Variants in KIAA1549L observed in about 807,000 individuals in gnomAD.
KIAA1549L encodes UPF0606 protein KIAA1549L.
In KIAA1549L, 88 loss-of-function variants were observed where a neutral mutation model predicts 160.7. The observed-to-expected ratio is 0.55, with a 90% CI of 0.46 to 0.65. KIAA1549L has a LOEUF of 0.65. Among genes scored for constraint, KIAA1549L ranks in the 30% least tolerant of loss-of-function variants. The pLI is 0.00. For synonymous variants in KIAA1549L, 950 were observed against 976.7 expected, an observed-to-expected ratio of 0.97 and a Z score of 0.51; for missense variants, 2,258 against 2,437.5, an observed-to-expected ratio of 0.93 and a Z score of 1.55.
chr11:33,572,517 T>C (rs762654324), intron 9 of KIAA1549L, among the ~76,000 whole-genome samples: 7 of 152,236 alleles, frequency 4.6e-5, no homozygotes, highest in Non-Finnish European at 1.0e-4. Context: ...CATAGATTGA[T>C]TTTGACATTC....
intron 1 of KIAA1549L, among the ~76,000 whole-genome samples, chr11:33,446,025 G>A (rs1232415719): frequency 6.6e-6 from 1 of 151,750 alleles, no homozygotes; most frequent in Non-Finnish European, 1.5e-5. Context: ...GTACATTTTT[G>A]AAGCTCTTGC....
intron 1 of KIAA1549L, among the ~76,000 whole-genome samples, chr11:33,394,488 A>G (rs1391636235): frequency 6.6e-6 from 1 of 152,342 alleles, no homozygotes; most frequent in African/African-American, 2.4e-5. Flanking sequence ...GAGCTTTTCC[A>G]TAAAGAAAAG....
intron 8 of KIAA1549L, among the ~76,000 whole-genome samples, chr11:33,561,957 A>G (rs894271662): frequency 6.6e-6 from 1 of 152,244 alleles, no homozygotes; most frequent in Admixed American, 6.5e-5. Context: ...ACAGCTTTCA[A>G]GTCCTCTTTT....
Position 33,530,432 on chromosome 11 carries a change from AAAAAATATATATATATATATATATATAT to A in KIAA1549L, c.239-11368_239-11341del, listed in dbSNP as rs1348045355. Among the ~76,000 whole-genome samples, 10 of 10,292 alleles carry A rather than the reference AAAAAATATATATATATATATATATATAT, an allele frequency of 9.7e-4. 1 individual carries two copies. The highest frequency in any genetic ancestry group is 3.6e-3 in the African/African-American group (9 of 2,508). The allele number at this position is 10,292 out of a possible 152,430, so 6.8% of individuals were successfully genotyped here. On this transcript the variant is annotated intron_variant, in intron 1 of 20. Coordinates refer to ENST00000658780, the MANE Select transcript of KIAA1549L (RefSeq NM_012194.3). ...GAAGAAGGAAAAAAAAAAAAAAAAA[AAAAAATATATATATATATATATATATAT>A]ATATATATATATATATATATATATG...
At chr11:33,530,485 G>T (rs1590315283) in intron 1 of KIAA1549L, among the ~76,000 whole-genome samples, 3 of 96,526 alleles carry the variant, frequency 3.1e-5, no homozygotes, top group South Asian at 3.9e-4. Context: ...ATATATATAT[G>T]CAAGATTTGC....
At position 33,673,162 on chromosome 11, in the gene KIAA1549L, T is replaced by G. The variant is rs564722512; in HGVS notation, c.*5008T>G. The G allele has an allele frequency of 1.3e-5, 2 of 152,106 alleles. No individual in the cohort carries two copies. The highest frequency in any genetic ancestry group is 2.9e-5 in the Non-Finnish European group (2 of 68,032). The allele number at this position is 152,106 out of a possible 1,614,324, so 9.4% of individuals were successfully genotyped here. A position where few individuals can be genotyped will look rare whatever the true frequency, so the allele number is the denominator to read the frequency against. ...CACACACACATTACTTTAGAAGATA[T>G]GCAGTTGCTCTGATTCTGCAGGTTT... On this transcript the variant is annotated 3_prime_UTR_variant, in exon 21 of 21. Coordinates refer to ENST00000658780, the MANE Select transcript of KIAA1549L (RefSeq NM_012194.3).
At chr11:33,614,146 C>T (rs745621676) in intron 15 of KIAA1549L, among the ~76,000 whole-genome samples, 2 of 152,088 alleles carry the variant, frequency 1.3e-5, no homozygotes, top group African/African-American at 2.4e-5. Flanking sequence ...GAACTGGAAG[C>T]GTAAGTTACA....
chr11:33,570,255 G>A (rs1855205417), intron 9 of KIAA1549L, among the ~76,000 whole-genome samples: 1 of 152,144 alleles, frequency 6.6e-6, no homozygotes, highest in Non-Finnish European at 1.5e-5. Flanking sequence ...ACCCACCTCA[G>A]CCTCCCAAAG....
At chr11:33,508,962 C>T (rs184169053) in intron 1 of KIAA1549L, among the ~76,000 whole-genome samples, 18 of 152,250 alleles carry the variant, frequency 1.2e-4, no homozygotes, top group Admixed American at 7.2e-4. Context: ...TTGGTTCTGT[C>T]GTCTCTTTGG....
intron 8 of KIAA1549L, 24 bp from the exon 9 acceptor site, chr11:33,568,052 C>G: frequency 1.9e-6 from 3 of 1,582,628 alleles, no homozygotes; most frequent in Non-Finnish European, 2.6e-6. Flanking sequence ...TTCTGAGCCT[C>G]TGCTCTGCCT....
At position 33,544,808 on chromosome 11, in the gene KIAA1549L, G is replaced by C; in HGVS notation, c.2815G>C (p.Ala939Pro). ...TAAGGTACAGCCAACAGCAGCAGCT[G>C]CCGTCACATTGTTTCTGAGGAAATC... ...SSKVQPTAAA[A>P]VTLFLRKSSP... Residue 939 changes from alanine (A) to proline (P), a missense_variant, in exon 3 of 21, where the codon GCC becomes CCC. By Grantham distance (27) the Ala-to-Pro change is conservative. This residue lies in a region of KIAA1549L where 41 missense variants were observed against 79.8 expected (regional missense o/e 0.51). Coordinates refer to ENST00000658780, the MANE Select transcript of KIAA1549L (RefSeq NM_012194.3). 6.2e-7 allele frequency: 1 copy of C among 1,608,768 alleles called. No homozygotes were observed. The highest frequency in any genetic ancestry group is 8.5e-7 in the Non-Finnish European group (1 of 1,175,884).
rs761090475 is a variant in KIAA1549L at position 33,552,188 on chromosome 11, T to A, written c.3802T>A (p.Phe1268Ile). The A allele has an allele frequency of 6.2e-7, 1 of 1,611,068 alleles. No homozygotes were observed. Among genetic ancestry groups the A allele is most frequent in the African/African-American group, 1.3e-5 (1 of 74,902 alleles). ...QTMEQRLQKA[F>I]QDAERKVLNT... Reference sequence around the variant, plus strand: ...AATGGAACAGAGGCTGCAGAAGGCATTCCAGGATGCCGAGAGGAAAGTCCT... The same window carrying A: ...AATGGAACAGAGGCTGCAGAAGGCAATCCAGGATGCCGAGAGGAAAGTCCT... Residue 1268 changes from phenylalanine to isoleucine, a missense_variant, in exon 6 of 21, where the codon TTC (phenylalanine) becomes ATC (isoleucine). Transcript: ENST00000658780.
chr11:33,457,111 C>T (rs1453775317), intron 1 of KIAA1549L, among the ~76,000 whole-genome samples: 1 of 152,114 alleles, frequency 6.6e-6, no homozygotes, highest in East Asian at 1.9e-4. Context: ...TTGAGGGTTT[C>T]CTGAGGTCCC....
At chr11:33,620,400 G>A (rs1014687820) in intron 16 of KIAA1549L, among the ~76,000 whole-genome samples, 4 of 152,162 alleles carry the variant, frequency 2.6e-5, no homozygotes, top group African/African-American at 9.7e-5. Flanking sequence ...TGATCATCTA[G>A]GGAATGGCTT....
intron 1 of KIAA1549L, among the ~76,000 whole-genome samples, chr11:33,537,649 G>T (rs1241882259): frequency 6.6e-6 from 1 of 152,150 alleles, no homozygotes; most frequent in African/African-American, 2.4e-5. Flanking sequence ...ACTGTCCCTA[G>T]TTCTGTCCCT....
intron 9 of KIAA1549L, among the ~76,000 whole-genome samples, chr11:33,568,967 T>A (rs1855150246): frequency 6.6e-6 from 1 of 152,222 alleles, no homozygotes; most frequent in Non-Finnish European, 1.5e-5. Context: ...ATGTTTTAGA[T>A]CATTTTCAGA....
chr11:33,501,969 T>C (rs1035795899), intron 1 of KIAA1549L, among the ~76,000 whole-genome samples: 10 of 151,836 alleles, frequency 6.6e-5, no homozygotes, highest in Non-Finnish European at 1.0e-4. Context: ...AAGCCAGTGG[T>C]GAGGGAGAGA....
At chr11:33,429,214 C>T (rs1048058682) in intron 1 of KIAA1549L, among the ~76,000 whole-genome samples, 5 of 152,120 alleles carry the variant, frequency 3.3e-5, no homozygotes, top group Admixed American at 2.0e-4. Context: ...TCAAGTGATC[C>T]GCCCACCTCG....
intron 6 of KIAA1549L, among the ~76,000 whole-genome samples, chr11:33,554,604 T>A (rs2133205279): frequency 6.6e-6 from 1 of 152,330 alleles, no homozygotes; most frequent in South Asian, 2.1e-4. Context: ...GCTCACAGTC[T>A]TGTGGAACCA....
Sources: gnomAD v4.1 joint callset for allele counts (sites outside exome capture counted in the v4.1 genomes callset) on GRCh38, gnomAD v4.1.1 for gene constraint, gnomAD v4.1.1 regional missense constraint, MANE v1.5 for transcripts, NCBI Gene and HGNC (gene_info 2026-07-23, HGNC 2026-07-21) for gene names.